Variants in PTPRD observed in about 807,000 individuals in gnomAD.
PTPRD encodes protein tyrosine phosphatase receptor type D.
Under a neutral mutation model 214.5 loss-of-function variants are expected in PTPRD, and 34 were observed. The ratio of observed to expected loss-of-function variants is 0.16; its 90% CI spans 0.12 to 0.21. The LOEUF is 0.21. Ranked by LOEUF, PTPRD falls within the 10% of genes least tolerant of loss-of-function variation. The pLI, the probability that PTPRD is intolerant of heterozygous loss-of-function variation, is 1.00. For synonymous variants in PTPRD, 1,128 were observed against 845.7 expected, an observed-to-expected ratio of 1.33 and a Z score of -5.79; for missense variants, 2,545 against 2,398.7, an observed-to-expected ratio of 1.06 and a Z score of -1.27.
At chr9:8,535,087 C>A (rs1279675237) in intron 14 of PTPRD, among the ~76,000 whole-genome samples, 15 of 151,628 alleles carry the variant, frequency 9.9e-5, no homozygotes, top group Non-Finnish European at 2.2e-4. Context: ...AATAATAGTA[C>A]CAAGCACATA....
intron 8 of PTPRD, among the ~76,000 whole-genome samples, chr9:9,506,673 C>G (rs1372644970): frequency 1.3e-5 from 2 of 151,326 alleles, no homozygotes; most frequent in Non-Finnish European, 3.0e-5. Flanking sequence ...ATGGCTTAGA[C>G]TAACCTAGAT....
chr9:8,964,922 A>T (rs2099183554), intron 11 of PTPRD, among the ~76,000 whole-genome samples: 1 of 152,068 alleles, frequency 6.6e-6, no homozygotes, highest in African/African-American at 2.4e-5. Flanking sequence ...GGATGGTATA[A>T]TTTTGATTTT....
intron 11 of PTPRD, chr9:8,859,856 T>G (rs1295462032): frequency 6.6e-6 from 1 of 152,212 alleles, no homozygotes; most frequent in African/African-American, 2.4e-5. Context: ...TTTTTGGTTT[T>G]GCTTTTTTAT....
chr9:8,868,094 G>A (rs1425348005), intron 11 of PTPRD, among the ~76,000 whole-genome samples: 2 of 152,160 alleles, frequency 1.3e-5, no homozygotes, highest in African/African-American at 4.8e-5. Context: ...CACCCTGGTT[G>A]TGCATTAGAA....
intron 14 of PTPRD, among the ~76,000 whole-genome samples, chr9:8,539,845 CTG>C (rs1418148913): frequency 5.3e-5 from 8 of 152,162 alleles, no homozygotes; most frequent in African/African-American, 1.9e-4. Context: ...ACTGGAGCCT[CTG>C]TGGAAAATTA....
At chr9:9,593,628 T>C (rs1592457331) in intron 7 of PTPRD, among the ~76,000 whole-genome samples, 1 of 152,042 alleles carries the variant, frequency 6.6e-6, no homozygotes, top group East Asian at 1.9e-4. Context: ...CAGAGCACCA[T>C]GAGAGCTTAG....
At chr9:10,133,782 C>A (rs1475690761) in intron 3 of PTPRD, among the ~76,000 whole-genome samples, 1 of 151,514 alleles carries the variant, frequency 6.6e-6, no homozygotes, top group Non-Finnish European at 1.5e-5. Context: ...TTAATTAATG[C>A]TATACTAACA....
intron 11 of PTPRD, among the ~76,000 whole-genome samples, chr9:8,848,186 G>T (rs901025375): frequency 1.3e-5 from 2 of 151,658 alleles, no homozygotes; most frequent in African/African-American, 4.8e-5. Context: ...AAAGGTCATC[G>T]AATCAAAACC....
At chr9:9,963,730 A>T (rs1354944471) in intron 4 of PTPRD, among the ~76,000 whole-genome samples, 1 of 152,156 alleles carries the variant, frequency 6.6e-6, no homozygotes, top group East Asian at 1.9e-4. Context: ...GCGATTATCA[A>T]CTAAAAGCTT....
chr9:8,787,885 A>G (rs1481230084), intron 11 of PTPRD, among the ~76,000 whole-genome samples: 6 of 117,788 alleles, frequency 5.1e-5, no homozygotes, highest in African/African-American at 2.3e-4. Context: ...TTCAACCTCT[A>G]GAAAGGAAGC....
At chr9:9,873,529 T>G (rs1232160940) in intron 5 of PTPRD, among the ~76,000 whole-genome samples, 1 of 152,122 alleles carries the variant, frequency 6.6e-6, no homozygotes, top group Admixed American at 6.5e-5. Context: ...CTGGGTAATT[T>G]ACCACAGAGT....
chr9:9,190,396 C>T (rs988292894), intron 9 of PTPRD, among the ~76,000 whole-genome samples: 2 of 152,000 alleles, frequency 1.3e-5, no homozygotes, highest in African/African-American at 4.8e-5. Context: ...ATAAGTCTCA[C>T]GAGATCCAGT....
At chr9:8,657,309 A>G (rs2096931735) in intron 12 of PTPRD, among the ~76,000 whole-genome samples, 1 of 151,870 alleles carries the variant, frequency 6.6e-6, no homozygotes, top group Non-Finnish European at 1.5e-5. Context: ...CTGGAATTAC[A>G]GGCACCCACC....
chr9:10,522,650 A>G (rs2052735996), intron 2 of PTPRD, among the ~76,000 whole-genome samples: 1 of 152,222 alleles, frequency 6.6e-6, no homozygotes. Flanking sequence ...TGGGAAGGGT[A>G]GACTCAACCT....
intron 7 of PTPRD, among the ~76,000 whole-genome samples, chr9:9,617,661 G>A (rs2094959243): frequency 1.3e-5 from 2 of 152,140 alleles, no homozygotes; most frequent in South Asian, 2.1e-4. Context: ...TATAAAACCA[G>A]AGCATAGTAT....
intron 8 of PTPRD, among the ~76,000 whole-genome samples, chr9:9,533,310 T>A (rs934222722): frequency 2.6e-5 from 4 of 152,052 alleles, no homozygotes; most frequent in African/African-American, 9.7e-5. Context: ...TTCAGGTAGG[T>A]CTCTAGCTGA....
At chr9:9,810,128 C>T (rs1235058309) in intron 5 of PTPRD, among the ~76,000 whole-genome samples, 1 of 46,200 alleles carries the variant, frequency 2.2e-5, no homozygotes, top group African/African-American at 3.2e-4. Context: ...GATCTACTTC[C>T]AGGTTAAAAA....
chr9:9,660,990 C>T (rs527410837), intron 7 of PTPRD, among the ~76,000 whole-genome samples: 39 of 152,076 alleles, frequency 2.6e-4, no homozygotes, highest in African/African-American at 9.4e-4. Flanking sequence ...GGAAATAACG[C>T]TTTATTCAGG....
At chr9:9,657,287 G>T (rs553879575) in intron 7 of PTPRD, among the ~76,000 whole-genome samples, 62 of 152,044 alleles carry the variant, frequency 4.1e-4, no homozygotes, top group African/African-American at 1.5e-3. Flanking sequence ...AAAAAAAAAG[G>T]TCATGTCCTT....
Sources: allele counts gnomAD v4.1 joint callset (sites outside exome capture counted in the v4.1 genomes callset), GRCh38; gene constraint gnomAD v4.1.1; transcripts MANE v1.5; gene names NCBI Gene and HGNC (gene_info 2026-07-23, HGNC 2026-07-21).